The following FNIP2 variants were observed in gnomAD, a reference collection of about 807,000 sequenced individuals.
The protein encoded by FNIP2 is folliculin interacting protein 2.
In FNIP2, 32 loss-of-function variants were observed where a neutral mutation model predicts 108.7. That is an observed-to-expected ratio of 0.29 (90% confidence interval 0.22 to 0.40). The LOEUF (loss-of-function observed/expected upper bound fraction) is 0.40, where lower values mean the gene tolerates loss of function less well. Ranked by LOEUF, FNIP2 falls within the 10% of genes least tolerant of loss-of-function variation. The probability of loss-of-function intolerance (pLI) is 1.00; values close to 1 mark genes in which losing one functional copy is unlikely to be tolerated. For synonymous variants in FNIP2, 480 were observed against 496.7 expected (o/e 0.97, Z 0.45); for missense variants, 1,202 against 1,381.6 (o/e 0.87, Z 2.06).
chr4:158,883,343 G>A (rs1362454350), intron 14 of FNIP2, among the ~76,000 whole-genome samples: 6 of 152,184 alleles, frequency 3.9e-5, no homozygotes, highest in Non-Finnish European at 5.9e-5. Flanking sequence ...CTGGGTTCAC[G>A]CCATTCTCCT....
At chr4:158,844,979 G>A (rs1464231531) in intron 7 of FNIP2, among the ~76,000 whole-genome samples, 1 of 152,214 alleles carries the variant, frequency 6.6e-6, no homozygotes, top group Non-Finnish European at 1.5e-5. Context: ...TAGGAGGGTT[G>A]GGACAAAAGC....
chr4:158,819,666 G>A (rs990596010), intron 1 of FNIP2, among the ~76,000 whole-genome samples: 2 of 152,194 alleles, frequency 1.3e-5, no homozygotes, highest in Non-Finnish European at 2.9e-5. Flanking sequence ...ATCTATTTAC[G>A]TAAGTTTTTT....
At chr4:158,815,384 C>CTTTTT (rs58702187) in intron 1 of FNIP2, among the ~76,000 whole-genome samples, 1 of 137,460 alleles carries the variant, frequency 7.3e-6, no homozygotes, top group African/African-American at 2.7e-5. Flanking sequence ...AGTAATCCAG[C>CTTTTT]TTTTTTTTTT....
At chr4:158,816,789 A>C (rs1336960839) in intron 1 of FNIP2, among the ~76,000 whole-genome samples, 1 of 151,936 alleles carries the variant, frequency 6.6e-6, no homozygotes, top group African/African-American at 2.4e-5. Context: ...TGTCTCAAAA[A>C]AAAAAAAAAA....
intron 13 of FNIP2, among the ~76,000 whole-genome samples, chr4:158,869,924 T>C (rs1780838309): frequency 6.6e-6 from 1 of 152,242 alleles, no homozygotes; most frequent in African/African-American, 2.4e-5. Context: ...CTGAAAGCAG[T>C]AATTAGAAAT....
intron 15 of FNIP2, among the ~76,000 whole-genome samples, chr4:158,892,191 G>A (rs1782321851): frequency 7.5e-6 from 1 of 133,104 alleles, no homozygotes; most frequent in South Asian, 2.4e-4. Flanking sequence ...AGTGAGTAGT[G>A]CAGTGGCATG....
At chr4:158,851,540 T>TG (rs139219935) in intron 8 of FNIP2, 90 bp downstream of exon 8, 1 of 1,516,420 alleles carries the variant, frequency 6.6e-7, no homozygotes, top group South Asian at 1.3e-5. Flanking sequence ...CTATTGTCAG[T>TG]GGAAAAAAAA....
At chr4:158,883,510 GGATTA>G in intron 14 of FNIP2, among the ~76,000 whole-genome samples, 1 of 152,150 alleles carries the variant, frequency 6.6e-6, no homozygotes, top group Admixed American at 6.5e-5. Flanking sequence ...CAAAAGCCTG[GGATTA>G]CAGGCGTGAG....
intron 8 of FNIP2, 116 bp from the exon 9 acceptor site, chr4:158,858,941 C>T: frequency 1.3e-6 from 1 of 780,722 alleles, no homozygotes; most frequent in Non-Finnish European, 2.1e-6. Context: ...GAACTAAAGG[C>T]AGAGATACTC....
intron 7 of FNIP2, among the ~76,000 whole-genome samples, chr4:158,844,104 C>T (rs1447480608): frequency 6.6e-6 from 1 of 152,222 alleles, no homozygotes; most frequent in Non-Finnish European, 1.5e-5. Context: ...CGACTTACCA[C>T]ATTATGTGGT....
chr4:158,826,271 C>G (rs1247230647), intron 2 of FNIP2, among the ~76,000 whole-genome samples: 2 of 152,180 alleles, frequency 1.3e-5, no homozygotes, highest in Non-Finnish European at 2.9e-5. Context: ...GTAATCATGG[C>G]AGGAGCTAAG....
intron 7 of FNIP2, among the ~76,000 whole-genome samples, chr4:158,843,261 A>G (rs553317054): frequency 6.6e-6 from 1 of 152,342 alleles, no homozygotes; most frequent in African/African-American, 2.4e-5. Flanking sequence ...AATGCCGTAT[A>G]TACTGTGTTG....
intron 7 of FNIP2, among the ~76,000 whole-genome samples, chr4:158,842,689 T>C (rs1779193762): frequency 6.6e-6 from 1 of 152,160 alleles, no homozygotes; most frequent in African/African-American, 2.4e-5. Context: ...CCCTTATAAA[T>C]TTTTAAAACC....
intron 7 of FNIP2, chr4:158,836,328 C>T (rs1016854983): frequency 5.9e-5 from 9 of 152,224 alleles, no homozygotes; most frequent in African/African-American, 2.2e-4. Context: ...TTTTAACCCA[C>T]TCTGTGCAAC....
Position 158,853,976 on chromosome 4 carries a change from C to T in FNIP2, c.857+2526C>T, listed in dbSNP as rs143726935. ...CAAGGAAAAATTAATTTTAAAATGG[C>T]CTTCCTCTTTAATAATTTGTTCATC... On this transcript the variant is annotated intron_variant, in intron 8 of 16. Coordinates refer to ENST00000264433, the MANE Select transcript of FNIP2 (RefSeq NM_020840.3). 2.5e-4 allele frequency among the ~76,000 whole-genome samples: 38 copies of T among 152,238 alleles called. 1 individual carries two copies. The East Asian group carries it at 7.0e-3, about 28-fold the overall frequency.
intron 1 of FNIP2, among the ~76,000 whole-genome samples, chr4:158,782,480 ACTAT>A (rs1776084392): frequency 6.6e-6 from 1 of 151,308 alleles, no homozygotes; most frequent in African/African-American, 2.4e-5. Context: ...CAGATACATA[ACTAT>A]CTCTTTTTGT....
At chr4:158,875,995 A>G (rs1781259962) in intron 14 of FNIP2, among the ~76,000 whole-genome samples, 1 of 152,202 alleles carries the variant, frequency 6.6e-6, no homozygotes. Context: ...GTGTGTATTT[A>G]TACACATGTG....
chr4:158,839,036 C>T (rs997167231), intron 7 of FNIP2, among the ~76,000 whole-genome samples: 1 of 152,168 alleles, frequency 6.6e-6, no homozygotes, highest in Non-Finnish European at 1.5e-5. Flanking sequence ...ATATCACCAA[C>T]ATTATTTATG....
intron 13 of FNIP2, among the ~76,000 whole-genome samples, chr4:158,869,788 C>G (rs555811281): frequency 3.9e-5 from 6 of 152,354 alleles, no homozygotes; most frequent in African/African-American, 1.4e-4. Flanking sequence ...AGATGCCTTG[C>G]TTCAGAGGTG....
Sources: gnomAD v4.1 joint callset for allele counts (sites outside exome capture counted in the v4.1 genomes callset) on GRCh38, gnomAD v4.1.1 for gene constraint, MANE v1.5 for transcripts, NCBI Gene and HGNC (gene_info 2026-07-23, HGNC 2026-07-21) for gene names.